Variants in HMG20A observed in about 807,000 individuals in gnomAD.
The protein encoded by HMG20A is high mobility group protein 20A.
A neutral mutation model predicts 43.9 loss-of-function variants in HMG20A; 17 were observed. The observed-to-expected ratio is 0.39, with a 90% CI of 0.27 to 0.58. HMG20A has a LOEUF of 0.58. Among genes scored for constraint, HMG20A ranks in the 20% least tolerant of loss-of-function variants. HMG20A has a pLI of 0.59. For missense variants in HMG20A, 341 were observed against 438.2 expected (o/e 0.78, Z 1.98); for synonymous variants, 132 against 147.5 (o/e 0.89, Z 0.76).
chr15:77,496,724 G>A, the HMG20A span, among the ~76,000 whole-genome samples: 2 of 152,184 alleles, frequency 1.3e-5, no homozygotes, highest in East Asian at 1.9e-4. Flanking sequence ...AGGTGGTCCC[G>A]CCAAGCGCTC....
chr15:77,504,315 T>A, the HMG20A span, among the ~76,000 whole-genome samples: 2 of 152,226 alleles, frequency 1.3e-5, no homozygotes, highest in African/African-American at 4.8e-5. Context: ...AGGGCGTTCT[T>A]CCTTGCAGGT....
chr15:77,472,658 G>A (rs561296162), intron 6 of HMG20A, among the ~76,000 whole-genome samples: 3 of 152,292 alleles, frequency 2.0e-5, no homozygotes, highest in African/African-American at 7.2e-5. Flanking sequence ...CTCCCACTTG[G>A]TTCAGCCCCA....
the HMG20A span, among the ~76,000 whole-genome samples, chr15:77,499,085 A>G: frequency 1.3e-5 from 2 of 152,116 alleles, no homozygotes; most frequent in East Asian, 3.9e-4. Flanking sequence ...CTCAATCTCC[A>G]AGTCTCCAGG....
At chr15:77,474,072 A>T (rs1057409285) in intron 6 of HMG20A, among the ~76,000 whole-genome samples, 1 of 152,190 alleles carries the variant, frequency 6.6e-6, no homozygotes, top group African/African-American at 2.4e-5. Flanking sequence ...CTTACATATA[A>T]CTTCTTAGTA....
the HMG20A span, among the ~76,000 whole-genome samples, chr15:77,507,025 C>T: frequency 1.3e-5 from 2 of 152,218 alleles, no homozygotes; most frequent in East Asian, 1.9e-4. Flanking sequence ...GGCCCTCCTT[C>T]ATGTGGGTGG....
chr15:77,455,198 T>C (rs1308052360), intron 1 of HMG20A, among the ~76,000 whole-genome samples: 1 of 151,016 alleles, frequency 6.6e-6, no homozygotes, highest in Non-Finnish European at 1.5e-5. Flanking sequence ...TGGGAAAGAT[T>C]ACTAGAGCAA....
chr15:77,519,444 A>G, the HMG20A span, among the ~76,000 whole-genome samples: 1 of 152,200 alleles, frequency 6.6e-6, no homozygotes, highest in African/African-American at 2.4e-5. Context: ...CAATATTCAC[A>G]TGTTAGAACT....
chr15:77,516,449 T>C, the HMG20A span, among the ~76,000 whole-genome samples: 1 of 152,092 alleles, frequency 6.6e-6, no homozygotes, highest in African/African-American at 2.4e-5. Flanking sequence ...GCACTTCAGC[T>C]TGGGCAACAG....
chr15:77,453,767 G>A (rs1303037987), intron 1 of HMG20A, among the ~76,000 whole-genome samples: 1 of 152,080 alleles, frequency 6.6e-6, no homozygotes. Context: ...TCTGATACAC[G>A]CTACAATGTG....
chr15:77,421,110 A>T, intron 1 of HMG20A, 106 bp downstream of exon 1: 2 of 293,344 alleles, frequency 6.8e-6, no homozygotes, highest in Non-Finnish European at 1.2e-5. Context: ...TCTCAGTTGG[A>T]GGCCGGCTGA....
At chr15:77,451,430 G>A (rs550514834) in intron 1 of HMG20A, among the ~76,000 whole-genome samples, 1 of 152,316 alleles carries the variant, frequency 6.6e-6, no homozygotes, top group Non-Finnish European at 1.5e-5. Context: ...ACTTAGTGGT[G>A]TCAGTGTTTG....
intron 1 of HMG20A, among the ~76,000 whole-genome samples, chr15:77,426,203 T>A (rs1311499758): frequency 1.3e-5 from 2 of 152,144 alleles, no homozygotes; most frequent in Non-Finnish European, 2.9e-5. Flanking sequence ...TACTAAAATA[T>A]CTTGTATACT....
At chr15:77,434,045 G>A (rs1046719972) in intron 1 of HMG20A, among the ~76,000 whole-genome samples, 4 of 152,130 alleles carry the variant, frequency 2.6e-5, no homozygotes, top group Admixed American at 2.6e-4. Context: ...ACAGATCTGT[G>A]GAACATAATT....
chr15:77,477,470 A>G lies in HMG20A; in HGVS notation c.616-85A>G, dbSNP rs2072866967. ...CCTGCTCACCCTATTCTTTCTTTAA[A>G]GAAGACATGATCATTGTCTTCAGGC... On this transcript the variant is annotated intron_variant, in intron 6 of 9. Coordinates refer to ENST00000336216, the MANE Select transcript of HMG20A (RefSeq NM_001304504.2). 22 of 943,552 alleles carry G rather than the reference A, an allele frequency of 2.3e-5. 1 individual carries two copies. In the South Asian group the frequency reaches 3.1e-4, roughly 13 times the overall value. 58.4% of individuals were successfully genotyped at this position (943,552 alleles called of 1,614,324 possible). A position where few individuals can be genotyped will look rare whatever the true frequency, so the allele number is the denominator to read the frequency against.
chr15:77,512,521 A>G, the HMG20A span, among the ~76,000 whole-genome samples: 1 of 152,228 alleles, frequency 6.6e-6, no homozygotes, highest in African/African-American at 2.4e-5. Flanking sequence ...GAGCATCAAA[A>G]TGATGATCTG....
Position 77,483,375 on chromosome 15 carries a change from C to G in HMG20A, c.*412C>G, listed in dbSNP as rs1397411327. ...GTGGAGCTCCAGTTTTCTTACCTAG[C>G]TGTCACTTTTTTAAATGCCTCTGGG... On this transcript the variant is annotated 3_prime_UTR_variant, in exon 10 of 10. Coordinates refer to ENST00000336216, the MANE Select transcript of HMG20A (RefSeq NM_001304504.2). 6.6e-6 allele frequency: 1 copy of G among 152,334 alleles called. No individual in the cohort carries two copies. The highest frequency in any genetic ancestry group is 1.5e-5 in the Non-Finnish European group (1 of 68,038). The allele number at this position is 152,334 out of a possible 1,614,324, so 9.4% of individuals were successfully genotyped here.
the HMG20A span, among the ~76,000 whole-genome samples, chr15:77,499,337 C>G: frequency 6.6e-6 from 1 of 152,158 alleles, no homozygotes; most frequent in East Asian, 1.9e-4. Flanking sequence ...CATCTGGCAT[C>G]CTGCAGAATC....
At chr15:77,475,272 A>G (rs2072845161) in intron 6 of HMG20A, among the ~76,000 whole-genome samples, 1 of 152,156 alleles carries the variant, frequency 6.6e-6, no homozygotes, top group Non-Finnish European at 1.5e-5. Flanking sequence ...CTCTTCCATT[A>G]AGTAGAATTT....
intron 1 of HMG20A, among the ~76,000 whole-genome samples, chr15:77,446,109 C>T (rs2073670983): frequency 6.6e-6 from 1 of 152,054 alleles, no homozygotes; most frequent in Non-Finnish European, 1.5e-5. Flanking sequence ...CTGTGTGGTC[C>T]TTCTCAGGTG....
Sources: allele counts gnomAD v4.1 joint callset (sites outside exome capture counted in the v4.1 genomes callset), GRCh38; gene constraint gnomAD v4.1.1; transcripts MANE v1.5; gene names NCBI Gene and HGNC (gene_info 2026-07-23, HGNC 2026-07-21).